HSF5: variants seen among roughly 807,000 people sequenced by gnomAD.
HSF5 encodes heat shock transcription factor 5.
A neutral mutation model predicts 50.8 loss-of-function variants in HSF5; 5 were observed. That is an observed-to-expected ratio of 0.10 (90% confidence interval 0.05 to 0.21). The LOEUF is 0.21. Ranked by LOEUF, HSF5 falls within the 10% of genes least tolerant of loss-of-function variation. The probability of loss-of-function intolerance (pLI) is 1.00; values close to 1 mark genes in which losing one functional copy is unlikely to be tolerated. For missense variants in HSF5, 564 were observed against 762.6 expected, an observed-to-expected ratio of 0.74 and a Z score of 3.07; for synonymous variants, 307 against 307.4, an observed-to-expected ratio of 1.00 and a Z score of 0.02.
intron 5 of HSF5, among the ~76,000 whole-genome samples, chr17:58,457,633 C>T (rs1051375062): frequency 4.6e-5 from 7 of 152,112 alleles, no homozygotes; most frequent in African/African-American, 1.7e-4. Flanking sequence ...TTATATGTGA[C>T]TTTGAACAAG....
At chr17:58,442,580 C>T (rs369891782) in intron 5 of HSF5, among the ~76,000 whole-genome samples, 22 of 152,244 alleles carry the variant, frequency 1.4e-4, no homozygotes, top group African/African-American at 5.1e-4. Flanking sequence ...GCTTTCCCTG[C>T]ATCTATTAAA....
chr17:58,455,653 G>A (rs1354866507), intron 5 of HSF5, among the ~76,000 whole-genome samples: 2 of 151,872 alleles, frequency 1.3e-5, no homozygotes, highest in East Asian at 3.9e-4. Context: ...ACAAAAAACA[G>A]TCTGATTTTA....
chr17:58,471,554 G>A (rs375125622), intron 2 of HSF5, among the ~76,000 whole-genome samples: 15 of 151,578 alleles, frequency 9.9e-5, no homozygotes, highest in African/African-American at 1.4e-4. Context: ...ACACACATAC[G>A]TATTTTTTAA....
intron 5 of HSF5, among the ~76,000 whole-genome samples, chr17:58,453,331 C>T (rs1314169575): frequency 6.6e-6 from 1 of 152,158 alleles, no homozygotes; most frequent in African/African-American, 2.4e-5. Flanking sequence ...CAGTGGCTCA[C>T]GCCTGCAATC....
chr17:58,453,599 AAACAAC>A (rs71143249), intron 5 of HSF5, among the ~76,000 whole-genome samples: 114 of 150,654 alleles, frequency 7.6e-4, no homozygotes, highest in East Asian at 2.7e-3. Context: ...ACTCCATCTC[AAACAAC>A]AACAACAACA....
chr17:58,455,689 C>T (rs1234461986), intron 5 of HSF5, among the ~76,000 whole-genome samples: 1 of 152,012 alleles, frequency 6.6e-6, no homozygotes, highest in Non-Finnish European at 1.5e-5. Flanking sequence ...CCTGAATAGA[C>T]ATTTCTCAAA....
At chr17:58,424,941 G>A (rs1974275191) in intron 5 of HSF5, among the ~76,000 whole-genome samples, 1 of 152,160 alleles carries the variant, frequency 6.6e-6, no homozygotes, top group Admixed American at 6.5e-5. Context: ...CAAATTCAGA[G>A]ACAAAAAATA....
chr17:58,483,595 A>C (rs187265938), intron 1 of HSF5, among the ~76,000 whole-genome samples: 3 of 152,366 alleles, frequency 2.0e-5, no homozygotes, highest in African/African-American at 7.2e-5. Context: ...ATCAATTCCC[A>C]GGAAAGAATC....
intron 2 of HSF5, among the ~76,000 whole-genome samples, chr17:58,467,395 A>C (rs754462592): frequency 9.8e-5 from 15 of 152,362 alleles, no homozygotes; most frequent in Admixed American, 1.3e-4. Context: ...AATAACTATG[A>C]AGTATTCTCC....
rs779745036 is a variant in HSF5 at position 58,487,712 on chromosome 17, A to C, written c.550+13T>G. On this transcript the variant is annotated intron_variant, in intron 1 of 5. Coordinates refer to ENST00000323777, the MANE Select transcript of HSF5 (RefSeq NM_001080439.3). ...GCCCACTGTGGGCGAGGGCACGGGC[A>C]GTCCGGACTCACCGTGCGGCTCGGG... 7.2e-7 allele frequency: 1 copy of C among 1,385,870 alleles called. No individual in the cohort carries two copies. The highest frequency in any genetic ancestry group is 9.3e-7 in the Non-Finnish European group (1 of 1,080,074). The allele number at this position is 1,385,870 out of a possible 1,614,324, so 85.8% of individuals were successfully genotyped here.
At chr17:58,477,294 AT>A (rs937356535) in intron 2 of HSF5, among the ~76,000 whole-genome samples, 1 of 149,602 alleles carries the variant, frequency 6.7e-6, no homozygotes, top group African/African-American at 2.5e-5. Flanking sequence ...TAATTTTTGT[AT>A]TTTTTTGGTA....
intron 2 of HSF5, chr17:58,476,551 T>C: frequency 7.0e-7 from 1 of 1,435,870 alleles, no homozygotes; most frequent in Non-Finnish European, 9.8e-7. Flanking sequence ...ATTTTCAAGG[T>C]AAGGATTTTG....
intron 1 of HSF5, among the ~76,000 whole-genome samples, chr17:58,482,095 A>G (rs1356171500): frequency 7.2e-6 from 1 of 139,734 alleles, no homozygotes; most frequent in Non-Finnish European, 1.5e-5. Flanking sequence ...ACAGAGTGAG[A>G]TCCTATCTCT....
chr17:58,454,008 C>T (rs1974674976), intron 5 of HSF5, among the ~76,000 whole-genome samples: 3 of 152,094 alleles, frequency 2.0e-5, no homozygotes, highest in Admixed American at 2.0e-4. Context: ...GCAGGGGAAT[C>T]ACTTGAACCT....
chr17:58,484,994 G>A (rs1343079203), intron 1 of HSF5, among the ~76,000 whole-genome samples: 1 of 111,328 alleles, frequency 9.0e-6, no homozygotes, highest in African/African-American at 3.5e-5. Flanking sequence ...TCACTCTGTC[G>A]CCCAGGCTGG....
At chr17:58,478,183 C>T (rs1377019209) in intron 2 of HSF5, among the ~76,000 whole-genome samples, 2 of 151,762 alleles carry the variant, frequency 1.3e-5, no homozygotes, top group Non-Finnish European at 2.9e-5. Context: ...CCTGTAATCC[C>T]AGCACTTTGG....
intron 5 of HSF5, among the ~76,000 whole-genome samples, chr17:58,447,183 A>G (rs1476341139): frequency 1.3e-5 from 2 of 152,098 alleles, no homozygotes; most frequent in African/African-American, 4.8e-5. Flanking sequence ...TACCAGCCCC[A>G]CCACATTAAA....
chr17:58,468,830 T>C (rs1265081728), intron 2 of HSF5, among the ~76,000 whole-genome samples: 3 of 150,998 alleles, frequency 2.0e-5, no homozygotes, highest in Non-Finnish European at 4.5e-5. Flanking sequence ...TTTGGATGAC[T>C]TTTTTTAACA....
intron 5 of HSF5, 130 bp downstream of exon 5, chr17:58,458,638 G>A: frequency 1.5e-6 from 1 of 660,470 alleles, no homozygotes; most frequent in Non-Finnish European, 2.5e-6. Flanking sequence ...TTACAGCTAT[G>A]TAAAAACAGC....
Sources: gnomAD v4.1 joint callset for allele counts (sites outside exome capture counted in the v4.1 genomes callset) on GRCh38, gnomAD v4.1.1 for gene constraint, MANE v1.5 for transcripts, NCBI Gene and HGNC (gene_info 2026-07-23, HGNC 2026-07-21) for gene names.